Variants in FOXO1 observed in about 807,000 individuals in gnomAD.
FOXO1 encodes the protein forkhead box O1.
Under a neutral mutation model 44.1 loss-of-function variants are expected in FOXO1, and 6 were observed. The observed-to-expected ratio is 0.14, with a 90% CI of 0.07 to 0.27. FOXO1 has a LOEUF of 0.27. Among genes scored for constraint, FOXO1 ranks in the 10% least tolerant of loss-of-function variants. The pLI, the probability that FOXO1 is intolerant of heterozygous loss-of-function variation, is 1.00. For synonymous variants in FOXO1, 380 were observed against 362.7 expected (o/e 1.05, Z -0.54); for missense variants, 737 against 888.8 (o/e 0.83, Z 2.17).
intron 1 of FOXO1, among the ~76,000 whole-genome samples, chr13:40,561,210 G>A (rs1389031562): frequency 6.6e-6 from 1 of 152,052 alleles, no homozygotes; most frequent in African/African-American, 2.4e-5. Flanking sequence ...AAATTAGCCA[G>A]GCATGGTGGT....
At chr13:40,575,060 G>A (rs1290930483) in intron 1 of FOXO1, among the ~76,000 whole-genome samples, 2 of 152,096 alleles carry the variant, frequency 1.3e-5, no homozygotes, top group African/African-American at 4.8e-5. Context: ...GGCCAGGCAT[G>A]TTGGCTCACA....
intron 1 of FOXO1, among the ~76,000 whole-genome samples, chr13:40,639,728 A>G (rs543140810): frequency 6.6e-6 from 1 of 152,236 alleles, no homozygotes; most frequent in Non-Finnish European, 1.5e-5. Context: ...TGTGACAACA[A>G]AAGATGTTTC....
chr13:40,596,437 G>A (rs1337830776), intron 1 of FOXO1, among the ~76,000 whole-genome samples: 1 of 152,198 alleles, frequency 6.6e-6, no homozygotes, highest in Non-Finnish European at 1.5e-5. Flanking sequence ...CCATATATGA[G>A]AAATGAAATT....
intron 1 of FOXO1, among the ~76,000 whole-genome samples, chr13:40,650,856 G>A (rs550735023): frequency 1.1e-3 from 171 of 152,238 alleles, no homozygotes; most frequent in Middle Eastern, 6.8e-3. Context: ...CTGGATTCAA[G>A]CAATTGTCCT....
intron 1 of FOXO1, among the ~76,000 whole-genome samples, chr13:40,633,931 G>C (rs955487373): frequency 1.3e-5 from 2 of 152,162 alleles, no homozygotes; most frequent in African/African-American, 4.8e-5. Flanking sequence ...CAGTAGAAAT[G>C]CATGCTATTC....
chr13:40,595,402 G>A (rs1258363738), intron 1 of FOXO1, among the ~76,000 whole-genome samples: 1 of 152,114 alleles, frequency 6.6e-6, no homozygotes, highest in African/African-American at 2.4e-5. Context: ...GCAGATCCTC[G>A]TTCAGTATTG....
At chr13:40,585,343 G>GCGCACA (rs10623475) in intron 1 of FOXO1, among the ~76,000 whole-genome samples, 20,249 of 147,022 alleles carry the variant, frequency 0.14, 1,698 homozygotes, top group South Asian at 0.22. Flanking sequence ...CTGCGCGCGC[G>GCGCACA]CACACACACA....
At chr13:40,586,018 T>TATGGAGAATTGGTAG in intron 1 of FOXO1, among the ~76,000 whole-genome samples, 1 of 152,334 alleles carries the variant, frequency 6.6e-6, no homozygotes, top group East Asian at 1.9e-4. Context: ...CAATTCTCCA[T>TATGGAGAATTGGTAG]ATATGGATTC....
In FOXO1 at chr13:40,559,101, T is replaced by C. The variant is rs752776640; in HGVS notation, c.*15-67A>G. ...CAATGAAAATATAGCCAAATTAAAA[T>C]CAATTCAACTTAACATGTTAAGAGT... On this transcript the variant is annotated intron_variant, in intron 2 of 2. Transcript: ENST00000379561. 7.6e-4 allele frequency: 304 copies of C among 402,444 alleles called. 1 individual carries two copies. The highest frequency in any genetic ancestry group is 1.3e-3 in the Middle Eastern group (2 of 1,582). The allele number at this position is 402,444 out of a possible 1,614,324, so 24.9% of individuals were successfully genotyped here. A position where few individuals can be genotyped will look rare whatever the true frequency, so the allele number is the denominator to read the frequency against.
chr13:40,653,484 A>C (rs758637824), intron 1 of FOXO1, among the ~76,000 whole-genome samples: 2 of 152,186 alleles, frequency 1.3e-5, no homozygotes, highest in African/African-American at 4.8e-5. Flanking sequence ...ATATGAAAGG[A>C]GAGGGCCGAA....
intron 1 of FOXO1, among the ~76,000 whole-genome samples, chr13:40,570,874 C>T (rs756862180): frequency 3.2e-4 from 49 of 152,296 alleles, no homozygotes; most frequent in Non-Finnish European, 5.6e-4. Flanking sequence ...CAAAACAATC[C>T]AGGTGAGGCA....
At chr13:40,664,088 C>T (rs1321574600) in intron 1 of FOXO1, among the ~76,000 whole-genome samples, 1 of 152,178 alleles carries the variant, frequency 6.6e-6, no homozygotes, top group Non-Finnish European at 1.5e-5. Context: ...TCCTGGCCAA[C>T]ATGGTGAAAC....
intron 1 of FOXO1, among the ~76,000 whole-genome samples, chr13:40,645,264 TG>T (rs1184434197): frequency 6.6e-6 from 1 of 152,222 alleles, no homozygotes; most frequent in African/African-American, 2.4e-5. Context: ...TCCCCTTCCC[TG>T]CTCATTTTAA....
chr13:40,664,051 G>A (rs548525034), intron 1 of FOXO1, among the ~76,000 whole-genome samples: 27 of 152,312 alleles, frequency 1.8e-4, no homozygotes, highest in African/African-American at 6.5e-4. Flanking sequence ...GAGGCGGGCC[G>A]ATCACGAGGT....
At chr13:40,648,315 A>G (rs1462327960) in intron 1 of FOXO1, among the ~76,000 whole-genome samples, 2 of 152,198 alleles carry the variant, frequency 1.3e-5, no homozygotes, top group East Asian at 1.9e-4. Context: ...GCTCTTCCCA[A>G]CTGTTGATAC....
chr13:40,560,660 G>A lies in FOXO1; in HGVS notation c.831C>T (p.Leu277=), dbSNP rs1174555891. ...RSRAAKKKAS[L]QSGQEGAGDS... ...CCCCAGCACCCTCCTGGCCAGACTG[G>A]AGAGATGCTTTCTTCTTGGCAGCTC... is the stretch of plus-strand genomic sequence containing the variant. Residue 277 remains leucine (L), a synonymous_variant, in exon 2 of 3, where the codon CTC becomes CTT. Transcript: ENST00000379561. The surrounding 1 kb of genome is among the most constrained non-coding windows in gnomAD (Gnocchi z 5.1). The A allele has an allele frequency of 1.2e-6, 2 of 1,614,076 alleles. No individual in the cohort carries two copies. The highest frequency in any genetic ancestry group is 2.2e-5 in the South Asian group (2 of 91,084).
intron 1 of FOXO1, among the ~76,000 whole-genome samples, chr13:40,570,359 G>A (rs1194362046): frequency 6.6e-6 from 1 of 151,732 alleles, no homozygotes; most frequent in Non-Finnish European, 1.5e-5. Context: ...GAGGTGAGGA[G>A]GTCAAGGAGT....
chr13:40,639,130 G>T (rs1828835096), intron 1 of FOXO1, among the ~76,000 whole-genome samples: 1 of 152,142 alleles, frequency 6.6e-6, no homozygotes, highest in African/African-American at 2.4e-5. Flanking sequence ...GGAGCAGGGG[G>T]TTGCAGTGAG....
chr13:40,563,543 AAC>A (rs1281688018), intron 1 of FOXO1, among the ~76,000 whole-genome samples: 1 of 152,096 alleles, frequency 6.6e-6, no homozygotes, highest in Non-Finnish European at 1.5e-5. Flanking sequence ...TCCCGGCTGG[AAC>A]GGAGCAGGTG....
Sources: gnomAD v4.1 joint callset for allele counts (sites outside exome capture counted in the v4.1 genomes callset) on GRCh38, gnomAD v4.1.1 for gene constraint, Gnocchi (gnomAD v3.1) non-coding constraint, MANE v1.5 for transcripts, NCBI Gene and HGNC (gene_info 2026-07-23, HGNC 2026-07-21) for gene names.